ZNF804A: variants seen among roughly 807,000 people sequenced by gnomAD.
ZNF804A encodes zinc finger protein 804A.
In ZNF804A, 2 loss-of-function variants were observed where a neutral mutation model predicts 16.5. That is an observed-to-expected ratio of 0.12 (90% CI 0.05 to 0.38). The LOEUF (loss-of-function observed/expected upper bound fraction) is 0.38. Among genes scored for constraint, ZNF804A ranks in the 10% least tolerant of loss-of-function variants. ZNF804A has a pLI of 0.99. For missense variants in ZNF804A, 1,473 were observed against 1,390.7 expected (o/e 1.06, Z -0.94); for synonymous variants, 534 against 489.6 (o/e 1.09, Z -1.20).
chr2:184,724,864 CAT>C (rs897606081), intron 1 of ZNF804A, among the ~76,000 whole-genome samples: 3 of 151,680 alleles, frequency 2.0e-5, no homozygotes, highest in Non-Finnish European at 4.4e-5. Context: ...GCAATAGTAA[CAT>C]GTGGAAAGGC....
Position 184,887,537 on chromosome 2 carries a change from A to T in ZNF804A, c.255+21025A>T, listed in dbSNP as rs539667922. 2.6e-5 allele frequency among the ~76,000 whole-genome samples: 4 copies of T among 152,358 alleles called. No individual in the cohort carries two copies. In the South Asian group the frequency reaches 8.3e-4, roughly 32 times the overall value. On this transcript the variant is annotated intron_variant, in intron 2 of 3. Coordinates refer to ENST00000302277, the MANE Select transcript of ZNF804A (RefSeq NM_194250.2). ...GATAAAGATGTAATTGATACTGGGA[A>T]GGAAAAGAGGTTTAGTTGGACTTAC...
intron 3 of ZNF804A, among the ~76,000 whole-genome samples, chr2:184,934,364 A>G (rs1328130301): frequency 6.6e-6 from 1 of 152,150 alleles, no homozygotes; most frequent in African/African-American, 2.4e-5. Flanking sequence ...ACTTTTTAAA[A>G]GTAGTCTTTG....
At chr2:184,884,438 G>GA (rs570020597) in intron 2 of ZNF804A, among the ~76,000 whole-genome samples, 6 of 151,148 alleles carry the variant, frequency 4.0e-5, no homozygotes, top group African/African-American at 9.7e-5. Context: ...CATAGAATTA[G>GA]AAAAAAAACT....
chr2:184,713,781 G>A (rs1693171725), intron 1 of ZNF804A, among the ~76,000 whole-genome samples: 1 of 151,902 alleles, frequency 6.6e-6, no homozygotes, highest in Non-Finnish European at 1.5e-5. Context: ...ACTATTAAAT[G>A]CTGCCTTTTG....
At chr2:184,874,829 G>A (rs773232906) in intron 2 of ZNF804A, among the ~76,000 whole-genome samples, 30 of 152,080 alleles carry the variant, frequency 2.0e-4, no homozygotes, top group Non-Finnish European at 3.5e-4. Flanking sequence ...GTCCACAGAA[G>A]CACAGGATTT....
At position 184,656,397 on chromosome 2, in the gene ZNF804A, G is replaced by A. The variant is rs115231485; in HGVS notation, c.111+57327G>A. The stretch of plus-strand genomic sequence containing the variant: ...GGGCTATGAATTACAGTTAAGGTGG[G>A]AAATAAGGAAAATCTGAGGAGTATT... On this transcript the variant is annotated intron_variant, in intron 1 of 3. Transcript: ENST00000302277. Among the ~76,000 whole-genome samples, 1,455 of 152,148 alleles carry A rather than the reference G, an allele frequency of 9.6e-3. 25 individuals are homozygous for A. The highest frequency in any genetic ancestry group is 0.033 in the African/African-American group (1,387 of 41,502).
chr2:184,637,219 A>G (rs932696819), intron 1 of ZNF804A, among the ~76,000 whole-genome samples: 4 of 152,018 alleles, frequency 2.6e-5, no homozygotes, highest in Non-Finnish European at 4.4e-5. Context: ...TTCCTTTAGA[A>G]CTCCTGATAA....
At chr2:184,828,319 A>G (rs1435597446) in intron 1 of ZNF804A, among the ~76,000 whole-genome samples, 1 of 151,848 alleles carries the variant, frequency 6.6e-6, no homozygotes, top group Non-Finnish European at 1.5e-5. Flanking sequence ...TATAATTACA[A>G]TGTGATAACA....
chr2:184,782,877 C>T (rs1288964368), intron 1 of ZNF804A, among the ~76,000 whole-genome samples: 1 of 149,764 alleles, frequency 6.7e-6, no homozygotes, highest in Non-Finnish European at 1.5e-5. Context: ...GTCAACTTAG[C>T]ATGCTCCCCA....
chr2:184,642,438 A>G (rs1691808703), intron 1 of ZNF804A, among the ~76,000 whole-genome samples: 1 of 152,136 alleles, frequency 6.6e-6, no homozygotes, highest in Non-Finnish European at 1.5e-5. Context: ...TTGTTCTCCA[A>G]AACAGAAAGG....
intron 3 of ZNF804A, among the ~76,000 whole-genome samples, chr2:184,934,107 T>C (rs1279642171): frequency 6.6e-6 from 1 of 152,148 alleles, no homozygotes; most frequent in East Asian, 1.9e-4. Context: ...GAGATACTTT[T>C]TAAAATGAAA....
At chr2:184,845,319 C>A (rs927374396) in intron 1 of ZNF804A, among the ~76,000 whole-genome samples, 67 of 152,100 alleles carry the variant, frequency 4.4e-4, no homozygotes, top group African/African-American at 1.5e-3. Context: ...GATAAATAGA[C>A]CTTCAGTCTT....
chr2:184,677,924 C>A (rs1173473908), intron 1 of ZNF804A, among the ~76,000 whole-genome samples: 1 of 151,978 alleles, frequency 6.6e-6, no homozygotes, highest in African/African-American at 2.4e-5. Context: ...TTAGTCCAGG[C>A]TGTAATGTTA....
intron 1 of ZNF804A, among the ~76,000 whole-genome samples, chr2:184,693,177 C>T (rs531944504): frequency 3.3e-5 from 5 of 151,818 alleles, no homozygotes; most frequent in South Asian, 2.1e-4. Context: ...TTTATTTTTT[C>T]GTATTATTAT....
intron 1 of ZNF804A, among the ~76,000 whole-genome samples, chr2:184,721,126 C>G (rs146247035): frequency 6.6e-6 from 1 of 152,000 alleles, no homozygotes; most frequent in Non-Finnish European, 1.5e-5. Flanking sequence ...ACATAAGACT[C>G]AAAACTATTA....
intron 2 of ZNF804A, among the ~76,000 whole-genome samples, chr2:184,878,327 C>A (rs1194309358): frequency 6.6e-6 from 1 of 152,020 alleles, no homozygotes; most frequent in Non-Finnish European, 1.5e-5. Context: ...GGGAGAACTA[C>A]CACAAAGCTC....
chr2:184,659,643 G>A (rs2105705418), intron 1 of ZNF804A, among the ~76,000 whole-genome samples: 1 of 152,128 alleles, frequency 6.6e-6, no homozygotes, highest in African/African-American at 2.4e-5. Flanking sequence ...ATATTAATAA[G>A]TGATGGGACT....
chr2:184,715,644 A>G (rs1693200776), intron 1 of ZNF804A, among the ~76,000 whole-genome samples: 1 of 151,850 alleles, frequency 6.6e-6, no homozygotes, highest in Admixed American at 6.6e-5. Context: ...TAAGCCATCA[A>G]CTCGCCCCAA....
At chr2:184,785,562 T>C (rs1694434300) in intron 1 of ZNF804A, among the ~76,000 whole-genome samples, 1 of 152,010 alleles carries the variant, frequency 6.6e-6, no homozygotes, top group African/African-American at 2.4e-5. Context: ...ATGTTAACTT[T>C]TGTATGGCCT....
Sources: allele counts gnomAD v4.1 joint callset (sites outside exome capture counted in the v4.1 genomes callset), GRCh38; gene constraint gnomAD v4.1.1; transcripts MANE v1.5; gene names NCBI Gene and HGNC (gene_info 2026-07-23, HGNC 2026-07-21).